The following LYPD6 variants were observed in gnomAD, a reference collection of about 807,000 sequenced individuals.
LYPD6 encodes LY6/PLAUR domain containing 6.
LYPD6 carries 15 observed loss-of-function variants against 22.7 expected under a neutral mutation model. The ratio of observed to expected loss-of-function variants is 0.66; its 90% CI spans 0.44 to 1.02. The LOEUF is 1.02. Among genes scored for constraint, LYPD6 ranks in the 50% least tolerant of loss-of-function variants. The pLI is 0.00. For synonymous variants in LYPD6, 72 were observed against 77.5 expected (o/e 0.93, Z 0.37); for missense variants, 189 against 208.4 (o/e 0.91, Z 0.57).
chr2:149,364,166 A>G (rs1258083863), intron 1 of LYPD6, among the ~76,000 whole-genome samples: 2 of 152,178 alleles, frequency 1.3e-5, no homozygotes, highest in African/African-American at 4.8e-5. Context: ...GTGGTGGAGA[A>G]TCTTAGGCCA....
At chr2:149,418,707 C>T (rs191581569) in intron 1 of LYPD6, among the ~76,000 whole-genome samples, 19 of 152,332 alleles carry the variant, frequency 1.2e-4, no homozygotes, top group Non-Finnish European at 2.8e-4. Context: ...TGGCAAAGTG[C>T]GAGTACCCCA....
At chr2:149,375,310 T>G (rs1220100867) in intron 1 of LYPD6, among the ~76,000 whole-genome samples, 1 of 152,206 alleles carries the variant, frequency 6.6e-6, no homozygotes, top group Non-Finnish European at 1.5e-5. Flanking sequence ...GTAATGGGTC[T>G]TGGCGAGATG....
At chr2:149,429,746 A>G in intron 1 of LYPD6, among the ~76,000 whole-genome samples, 1 of 152,190 alleles carries the variant, frequency 6.6e-6, no homozygotes, top group East Asian at 1.9e-4. Flanking sequence ...TTGCAAGGTA[A>G]CTGTGGCTAT....
intron 1 of LYPD6, among the ~76,000 whole-genome samples, chr2:149,417,302 A>T (rs983883119): frequency 6.6e-6 from 1 of 152,224 alleles, no homozygotes; most frequent in African/African-American, 2.4e-5. Context: ...ACTGCCTTGT[A>T]TATACTGATA....
chr2:149,388,987 T>C, intron 1 of LYPD6, among the ~76,000 whole-genome samples: 1 of 152,182 alleles, frequency 6.6e-6, no homozygotes, highest in African/African-American at 2.4e-5. Flanking sequence ...AGGTTAGTAC[T>C]GTACTGCACA....
intron 2 of LYPD6, among the ~76,000 whole-genome samples, chr2:149,447,318 T>A (rs1312542656): frequency 2.0e-5 from 3 of 152,116 alleles, no homozygotes; most frequent in African/African-American, 7.2e-5. Context: ...CACCTGAGCA[T>A]ATAGGTGAAG....
In LYPD6 at chr2:149,449,073, A is replaced by C. The variant is rs138915968; in HGVS notation, c.143A>C (p.Lys48Thr). 566 of 1,613,308 alleles carry C rather than the reference A, an allele frequency of 3.5e-4. No homozygotes were observed. The highest frequency in any genetic ancestry group is 3.9e-4 in the Non-Finnish European group (465 of 1,179,634). ...GCCACACCATATCCTGGTGGATTTAAATGTTTCACCTGTGAAAAGGCAGCA... is the reference window on the plus strand; with the variant it reads ...GCCACACCATATCCTGGTGGATTTACATGTTTCACCTGTGAAAAGGCAGCA... ...PSTTPYPGGF[K>T]CFTCEKAADN... is the part of the protein sequence containing the mutation. The change falls in exon 3 of 5, where the codon AAA (lysine) becomes ACA (threonine). Residue 48 changes from lysine (K) to threonine (T), a missense_variant. Lys to Thr is a moderately conservative substitution (Grantham distance 78). Coordinates refer to ENST00000334166, the MANE Select transcript of LYPD6 (RefSeq NM_194317.5).
intron 1 of LYPD6, among the ~76,000 whole-genome samples, chr2:149,418,251 G>A (rs1037003230): frequency 6.6e-6 from 1 of 152,202 alleles, no homozygotes; most frequent in Admixed American, 6.5e-5. Flanking sequence ...CACAATTGTA[G>A]GGGAAGGGAA....
intron 2 of LYPD6, among the ~76,000 whole-genome samples, chr2:149,442,667 T>C (rs2105155876): frequency 6.6e-6 from 1 of 152,110 alleles, no homozygotes; most frequent in South Asian, 2.1e-4. Context: ...AAAACCTCTT[T>C]ATCAGATGCA....
At chr2:149,366,739 G>A (rs574678535) in intron 1 of LYPD6, among the ~76,000 whole-genome samples, 1 of 152,270 alleles carries the variant, frequency 6.6e-6, no homozygotes, top group Admixed American at 6.5e-5. Flanking sequence ...ATTTATAGAA[G>A]TCAGAATAAA....
chr2:149,479,091 A>C (rs947512603), downstream of LYPD6, among the ~76,000 whole-genome samples: 2 of 152,096 alleles, frequency 1.3e-5, no homozygotes, highest in African/African-American at 4.8e-5. Context: ...TTCACTAATG[A>C]ACGACAAGCT....
intron 1 of LYPD6, among the ~76,000 whole-genome samples, chr2:149,430,161 G>T (rs757053906): frequency 6.6e-6 from 1 of 152,164 alleles, no homozygotes; most frequent in African/African-American, 2.4e-5. Flanking sequence ...GTGCGTTGGC[G>T]TGATCTCGGC....
intron 1 of LYPD6, among the ~76,000 whole-genome samples, chr2:149,407,073 T>C (rs948641756): frequency 1.3e-5 from 2 of 152,218 alleles, no homozygotes; most frequent in African/African-American, 4.8e-5. Context: ...CACTCTCTTC[T>C]GGCTTGTAGA....
Position 149,470,686 on chromosome 2 carries a change from T to G in LYPD6, c.352T>G (p.Cys118Gly), listed in dbSNP as rs1488326460. 1 of 1,613,182 alleles carries G rather than the reference T, an allele frequency of 6.2e-7. No individual in the cohort carries two copies. Among genetic ancestry groups the G allele is most frequent in the Admixed American group, 1.7e-5 (1 of 60,000 alleles). Residue 118 changes from cysteine to glycine, a missense_variant, in exon 5 of 5, where the codon TGC (cysteine) becomes GGC (glycine). Transcript: ENST00000334166. Reference protein sequence around the residue: ...RDSEHEGHKVCTSCCEGNICN... With the variant: ...RDSEHEGHKVGTSCCEGNICN... ...TTTTTTTCTTCCTTTCTTTCAGGTCTGCACTTCTTGTTGTGAAGGAAATAT... is the reference window on the plus strand; with the variant it reads ...TTTTTTTCTTCCTTTCTTTCAGGTCGGCACTTCTTGTTGTGAAGGAAATAT...
the LYPD6 span, among the ~76,000 whole-genome samples, chr2:149,481,931 C>A: frequency 6.6e-6 from 1 of 152,046 alleles, no homozygotes; most frequent in Non-Finnish European, 1.5e-5. Flanking sequence ...TTTAGGGGTT[C>A]CTCAGAAGTG....
At chr2:149,462,534 A>AT (rs1352987811) in intron 3 of LYPD6, among the ~76,000 whole-genome samples, 1,537 of 146,278 alleles carry the variant, frequency 0.011, 15 homozygotes, top group African/African-American at 0.032. Context: ...TCCCAGGAAG[A>AT]TTTTTTTTTT....
rs185386586 is a variant in LYPD6, at chr2:149,344,129, T to A, written c.-72+13407T>A. 2.9e-3 allele frequency among the ~76,000 whole-genome samples: 441 copies of A among 152,328 alleles called. 1 individual carries two copies. Among genetic ancestry groups the A allele is most frequent in the Middle Eastern group, 6.8e-3 (2 of 294 alleles). ...GTCTGACGTCCTTCTATGTTTTAAATTCTGTGAATGTACAATTAGTTTGTC... is the reference window on the plus strand; with the variant it reads ...GTCTGACGTCCTTCTATGTTTTAAAATCTGTGAATGTACAATTAGTTTGTC... On this transcript the variant is annotated intron_variant, in intron 1 of 4. Transcript: ENST00000334166.
At position 149,470,731 on chromosome 2, in the gene LYPD6, C is replaced by T. The variant is rs905174811; in HGVS notation, c.397C>T (p.Arg133Ter). 31 of 1,613,602 alleles carry T rather than the reference C, an allele frequency of 1.9e-5. No individual in the cohort carries two copies. Among genetic ancestry groups the T allele is most frequent in the African/African-American group, 4.0e-5 (3 of 74,880 alleles). The part of the protein sequence containing the change: ...EGNICNLPLP[R>*]NETDATFATT... Reference sequence around the variant, plus strand: ...AAATATCTGTAACTTGCCACTGCCCCGAAATGAAACTGATGCCACATTTGC... The same window carrying T: ...AAATATCTGTAACTTGCCACTGCCCTGAAATGAAACTGATGCCACATTTGC... The change falls in exon 5 of 5, where the codon CGA becomes TGA. Residue 133 changes from arginine to a stop codon, truncating the protein, a stop_gained. Transcript: ENST00000334166. LOFTEE classifies it high-confidence loss of function.
chr2:149,419,310 G>A (rs1426843876), intron 1 of LYPD6, among the ~76,000 whole-genome samples: 4 of 152,122 alleles, frequency 2.6e-5, no homozygotes, highest in South Asian at 2.1e-4. Context: ...TAACGTTGAT[G>A]TGTTGGTATT....
Sources: gnomAD v4.1 joint callset for allele counts (sites outside exome capture counted in the v4.1 genomes callset) on GRCh38, gnomAD v4.1.1 for gene constraint, MANE v1.5 for transcripts, NCBI Gene and HGNC (gene_info 2026-07-23, HGNC 2026-07-21) for gene names.